Variants in MCPH1 observed in about 807,000 individuals in gnomAD.
MCPH1 encodes microcephalin.
A neutral mutation model predicts 84.5 loss-of-function variants in MCPH1; 104 were observed. That is an observed-to-expected ratio of 1.23 (90% CI 1.05 to 1.45). MCPH1 has a LOEUF of 1.45. Among genes scored for constraint, MCPH1 ranks in the 40% most tolerant of loss-of-function variants. The probability of loss-of-function intolerance (pLI) is 0.00; values close to 1 mark genes in which losing one functional copy is unlikely to be tolerated. For synonymous variants in MCPH1, 514 were observed against 366.8 expected (o/e 1.40, Z -4.58); for missense variants, 1,498 against 1,005.7 (o/e 1.49, Z -6.62).
At chr8:6,428,203 A>T (rs1254531821) in intron 3 of MCPH1, among the ~76,000 whole-genome samples, 1 of 152,186 alleles carries the variant, frequency 6.6e-6, no homozygotes, top group African/African-American at 2.4e-5. Context: ...CAGTATAAAA[A>T]TACCTTATAT....
chr8:6,491,624 ACTCCCCCGACCC>A (rs1810603531), intron 11 of MCPH1, among the ~76,000 whole-genome samples: 1 of 148,806 alleles, frequency 6.7e-6, no homozygotes, highest in African/African-American at 2.5e-5. Context: ...ATCCCTCCCC[ACTCCCCCGACCC>A]CACAACAGGC....
chr8:6,435,987 CT>C (rs755623717), intron 4 of MCPH1, 60 bp from the exon 5 acceptor site: 28 of 1,593,700 alleles, frequency 1.8e-5, no homozygotes, highest in Non-Finnish European at 2.2e-5. Context: ...TGCGAAAGGG[CT>C]TTTTCTCCTG....
chr8:6,589,870 A>G (rs1828299861), intron 12 of MCPH1, among the ~76,000 whole-genome samples: 1 of 152,246 alleles, frequency 6.6e-6, no homozygotes, highest in Non-Finnish European at 1.5e-5. Context: ...AGAATATATC[A>G]GATAATTCTG....
chr8:6,514,923 T>C (rs1361999415), intron 12 of MCPH1: 1 of 620,166 alleles, frequency 1.6e-6, no homozygotes, highest in Non-Finnish European at 2.9e-6. Flanking sequence ...ACCATCGGGG[T>C]TGTCTAAGAA....
chr8:6,472,552 G>C (rs554248658), intron 9 of MCPH1, among the ~76,000 whole-genome samples: 1 of 151,950 alleles, frequency 6.6e-6, no homozygotes, highest in Admixed American at 6.6e-5. Context: ...TGCAACCTCC[G>C]CCTCCTGGGT....
At chr8:6,608,651 A>T (rs12541807) in intron 12 of MCPH1, among the ~76,000 whole-genome samples, 97,003 of 151,916 alleles carry the variant, frequency 0.64, 33,458 homozygotes, top group Non-Finnish European at 0.79. Context: ...TCTGGGGAGA[A>T]TTTTGTCACT....
intron 12 of MCPH1, chr8:6,509,138 A>G: frequency 6.5e-7 from 1 of 1,549,396 alleles, no homozygotes; most frequent in East Asian, 2.2e-5. Flanking sequence ...TTTGTGATGA[A>G]GAATTCCATT....
chr8:6,447,813 T>C (rs1437905666), intron 8 of MCPH1, among the ~76,000 whole-genome samples: 1 of 152,208 alleles, frequency 6.6e-6, no homozygotes, highest in Non-Finnish European at 1.5e-5. Context: ...CCTCCCAAAG[T>C]GTTGGGATTA....
At chr8:6,468,780 T>C (rs1464683765) in intron 9 of MCPH1, among the ~76,000 whole-genome samples, 1 of 152,100 alleles carries the variant, frequency 6.6e-6, no homozygotes, top group Non-Finnish European at 1.5e-5. Context: ...TATTGTAGTT[T>C]TTAGAAAAAC....
intron 11 of MCPH1, among the ~76,000 whole-genome samples, chr8:6,488,636 A>C (rs531334659): frequency 1.3e-5 from 2 of 152,154 alleles, no homozygotes; most frequent in African/African-American, 2.4e-5. Flanking sequence ...CACCTTTGCA[A>C]GAAAGAGAAA....
At chr8:6,523,501 G>T (rs929754079) in intron 12 of MCPH1, among the ~76,000 whole-genome samples, 4 of 152,192 alleles carry the variant, frequency 2.6e-5, no homozygotes, top group African/African-American at 9.7e-5. Context: ...ATCCAAGAGA[G>T]TAGAGACTAT....
chr8:6,646,738 C>G lies in MCPH1; in HGVS notation c.*3689C>G, dbSNP rs1234238505. ...TGCCTATTAGATGCCAGTGGCATCC[C>G]TCCCCTGACACACACCTAGTTTTGA... On this transcript the variant is annotated 3_prime_UTR_variant, in exon 14 of 14. Transcript: ENST00000344683. 6.6e-6 allele frequency: 1 copy of G among 152,200 alleles called. No homozygotes were observed. The highest frequency in any genetic ancestry group is 1.5e-5 in the Non-Finnish European group (1 of 68,060). The allele number at this position is 152,200 out of a possible 1,614,324, so 9.4% of individuals were successfully genotyped here.
chr8:6,513,790 G>T (rs752142320), intron 12 of MCPH1: 18 of 1,613,882 alleles, frequency 1.1e-5, no homozygotes, highest in Non-Finnish European at 1.4e-5. Flanking sequence ...TGATTAGTCA[G>T]TTGCGAAACA....
intron 11 of MCPH1, among the ~76,000 whole-genome samples, chr8:6,490,410 A>G (rs1810428098): frequency 6.6e-6 from 1 of 152,152 alleles, no homozygotes; most frequent in African/African-American, 2.4e-5. Flanking sequence ...ATTGTTAACA[A>G]TCTGTTATTT....
intron 11 of MCPH1, among the ~76,000 whole-genome samples, chr8:6,491,657 G>C (rs558424458): frequency 2.0e-4 from 30 of 151,610 alleles, no homozygotes; most frequent in Middle Eastern, 3.5e-3. Flanking sequence ...CCTGGTGTGT[G>C]ATGTTCCCCT....
At chr8:6,513,524 A>G (rs541842693) in intron 12 of MCPH1, among the ~76,000 whole-genome samples, 34 of 152,128 alleles carry the variant, frequency 2.2e-4, no homozygotes, top group Middle Eastern at 3.4e-3. Flanking sequence ...TAGTAGAGAC[A>G]GGGTTTCACT....
intron 7 of MCPH1, among the ~76,000 whole-genome samples, chr8:6,443,213 A>C (rs1157411213): frequency 1.3e-5 from 2 of 152,254 alleles, no homozygotes; most frequent in Non-Finnish European, 2.9e-5. Context: ...TGTGAATGGC[A>C]AACCCAAGCT....
chr8:6,407,086 T>G, intron 1 of MCPH1: 1 of 309,062 alleles, frequency 3.2e-6, no homozygotes. Context: ...CCCTACCTGC[T>G]TTCACCCCTG....
Position 6,455,206 on chromosome 8 carries a change from T to C in MCPH1, c.1889T>C (p.Leu630Pro). The change falls in exon 9 of 14, where the codon CTC becomes CCC. Residue 630 changes from leucine to proline, a missense_variant. Coordinates refer to ENST00000344683, the MANE Select transcript of MCPH1 (RefSeq NM_024596.5). ...GACTCATGTGACGGCTTTAAGGACC[T>C]CATCAAACCTCATGAGGAATTGAAG... ...LDDSCDGFKD[L>P]IKPHEELKKS... The C allele has an allele frequency of 1.2e-6, 2 of 1,614,064 alleles. No individual in the cohort carries two copies. The highest frequency in any genetic ancestry group is 1.7e-6 in the Non-Finnish European group (2 of 1,179,952).
Sources: gnomAD v4.1 joint callset for allele counts (sites outside exome capture counted in the v4.1 genomes callset) on GRCh38, gnomAD v4.1.1 for gene constraint, MANE v1.5 for transcripts, NCBI Gene and HGNC (gene_info 2026-07-23, HGNC 2026-07-21) for gene names.